IFT25: variants seen among roughly 807,000 people sequenced by gnomAD.
IFT25 encodes intraflagellar transport protein 25 homolog.
the IFT25 span, among the ~76,000 whole-genome samples, chr1:53,920,953 G>A: frequency 1.3e-5 from 2 of 152,156 alleles, no homozygotes; most frequent in Non-Finnish European, 2.9e-5. Flanking sequence ...TGGGCAGATC[G>A]CTTGAGCTCA....
the IFT25 span, chr1:53,928,632 T>C: frequency 7.5e-6 from 4 of 536,758 alleles, no homozygotes; most frequent in Non-Finnish European, 1.3e-5. Flanking sequence ...GTGTAACTAA[T>C]CTTCCAAATG....
chr1:53,932,653 G>A, the IFT25 span, among the ~76,000 whole-genome samples: 1 of 152,146 alleles, frequency 6.6e-6, no homozygotes, highest in Non-Finnish European at 1.5e-5. Context: ...CAGCATTGAC[G>A]TCCTGGGCTC....
the IFT25 span, chr1:53,928,445 C>G: frequency 6.2e-7 from 1 of 1,603,906 alleles, no homozygotes; most frequent in Non-Finnish European, 8.5e-7. Flanking sequence ...TCTGTACTAA[C>G]ATTGTAAACA....
chr1:53,925,305 CT>C, the IFT25 span, among the ~76,000 whole-genome samples: 2 of 152,062 alleles, frequency 1.3e-5, no homozygotes, highest in Non-Finnish European at 2.9e-5. Context: ...TCTTGTACAA[CT>C]CTATCACCAG....
the IFT25 span, among the ~76,000 whole-genome samples, chr1:53,934,254 T>C: frequency 6.6e-6 from 1 of 152,212 alleles, no homozygotes; most frequent in Non-Finnish European, 1.5e-5. Context: ...ATAGTTTAGC[T>C]AGACACAGAA....
chr1:53,922,037 T>A, the IFT25 span, among the ~76,000 whole-genome samples: 1 of 152,188 alleles, frequency 6.6e-6, no homozygotes, highest in African/African-American at 2.4e-5. Flanking sequence ...TGAACTAGCC[T>A]CAAAGCTAGT....
chr1:53,923,758 A>G, the IFT25 span: 1 of 615,038 alleles, frequency 1.6e-6, no homozygotes. Flanking sequence ...TTATATTATT[A>G]TTGAGAATAA....
the IFT25 span, among the ~76,000 whole-genome samples, chr1:53,930,944 C>CT: frequency 6.6e-6 from 1 of 152,012 alleles, no homozygotes; most frequent in African/African-American, 2.4e-5. Flanking sequence ...ATAAGCTTTT[C>CT]TTTTTTTGGA....
At chr1:53,939,736 G>A in the IFT25 span, 1 of 400,946 alleles carries the variant, frequency 2.5e-6, no homozygotes, top group Admixed American at 4.7e-5. Flanking sequence ...TTTTTGCCTT[G>A]GTAAACCACT....
chr1:53,934,586 C>T, the IFT25 span, among the ~76,000 whole-genome samples: 2,708 of 152,236 alleles, frequency 0.018, 44 homozygotes, highest in Non-Finnish European at 0.028. Context: ...CCCAGATGTC[C>T]ATCAACTGAT....
chr1:53,916,783 A>C, the IFT25 span: 1 of 390,992 alleles, frequency 2.6e-6, no homozygotes, highest in Non-Finnish European at 4.5e-6. Flanking sequence ...ACTCACCTTC[A>C]CATCTCTTAT....
chr1:53,912,589 C>G, the IFT25 span, among the ~76,000 whole-genome samples: 16 of 152,090 alleles, frequency 1.1e-4, no homozygotes, highest in Admixed American at 3.3e-4. Flanking sequence ...TTCAAAGATG[C>G]CCAGTACTTC....
At chr1:53,916,283 T>C in the IFT25 span, among the ~76,000 whole-genome samples, 1 of 149,636 alleles carries the variant, frequency 6.7e-6, no homozygotes, top group African/African-American at 2.5e-5. Flanking sequence ...AAATGTGGAG[T>C]GGTTTAAGGT....
the IFT25 span, among the ~76,000 whole-genome samples, chr1:53,925,236 ACT>A: frequency 1.3e-5 from 2 of 151,868 alleles, no homozygotes; most frequent in Non-Finnish European, 2.9e-5. Flanking sequence ...TGGTTACATT[ACT>A]CTGTCTATCT....
chr1:53,934,014 TTTCA>T, the IFT25 span, among the ~76,000 whole-genome samples: 1 of 152,176 alleles, frequency 6.6e-6, no homozygotes, highest in South Asian at 2.1e-4. Context: ...ATACAGTTTT[TTTCA>T]TTAAGTGGTC....
chr1:53,945,318 A>ACG, the IFT25 span, among the ~76,000 whole-genome samples: 1 of 152,182 alleles, frequency 6.6e-6, no homozygotes, highest in African/African-American at 2.4e-5. Flanking sequence ...GGGGGTCAAG[A>ACG]CGCTATTTCT....
chr1:53,940,285 G>C, the IFT25 span, among the ~76,000 whole-genome samples: 1 of 152,084 alleles, frequency 6.6e-6, no homozygotes, highest in African/African-American at 2.4e-5. Context: ...TATAAGACAT[G>C]ACTATTTCTG....
chr1:53,943,021 C>T, the IFT25 span, among the ~76,000 whole-genome samples: 10 of 151,636 alleles, frequency 6.6e-5, no homozygotes, highest in African/African-American at 2.4e-4. Flanking sequence ...AATAGAAATG[C>T]GACTATAATT....
At chr1:53,929,796 G>A in the IFT25 span, 1 of 428,890 alleles carries the variant, frequency 2.3e-6, no homozygotes, top group Non-Finnish European at 3.8e-6. Flanking sequence ...GCTTTGGAAG[G>A]GTTTCGAATT....
Sources: allele counts gnomAD v4.1 joint callset (sites outside exome capture counted in the v4.1 genomes callset), GRCh38; gene constraint gnomAD v4.1.1; transcripts MANE v1.5; gene names NCBI Gene and HGNC (gene_info 2026-07-23, HGNC 2026-07-21).